IQGAP3: variants seen among roughly 807,000 people sequenced by gnomAD.
The protein encoded by IQGAP3 is ras GTPase-activating-like protein IQGAP3.
IQGAP3 carries 165 observed loss-of-function variants against 208.2 expected under a neutral mutation model. That is an observed-to-expected ratio of 0.79 (90% CI 0.70 to 0.90). The LOEUF (loss-of-function observed/expected upper bound fraction) is 0.90. Among genes scored for constraint, IQGAP3 ranks in the 40% least tolerant of loss-of-function variants. IQGAP3 has a pLI of 0.00. For missense variants in IQGAP3, 1,811 were observed against 2,043.1 expected, an observed-to-expected ratio of 0.89 and a Z score of 2.19; for synonymous variants, 703 against 803.6, an observed-to-expected ratio of 0.87 and a Z score of 2.12.
chr1:156,561,828 A>C lies in IQGAP3; in HGVS notation c.1041+10T>G, dbSNP rs778822069. 1 of 1,613,708 alleles carries C rather than the reference A, an allele frequency of 6.2e-7. No individual in the cohort carries two copies. Among genetic ancestry groups the C allele is most frequent in the Non-Finnish European group, 8.5e-7 (1 of 1,179,764 alleles). On this transcript the variant is annotated intron_variant, in intron 10 of 37. Coordinates refer to ENST00000361170, the MANE Select transcript of IQGAP3 (RefSeq NM_178229.5). ...ATACAGGGGGTGGCAGGTAATAGAC[A>C]GAGGCTAACCTGTGCCTTCTGCTCT...
intron 12 of IQGAP3, 90 bp downstream of exon 12, chr1:156,556,443 G>T: frequency 7.9e-7 from 1 of 1,270,038 alleles, no homozygotes; most frequent in Non-Finnish European, 1.1e-6. Context: ...ATCTCATATC[G>T]CACTCACAAG....
intron 13 of IQGAP3, 90 bp from the exon 14 acceptor site, chr1:156,552,185 G>T: frequency 6.9e-7 from 1 of 1,454,170 alleles, no homozygotes; most frequent in South Asian, 1.3e-5. Flanking sequence ...TTCTTCACTT[G>T]ACCTCCAGGA....
chr1:156,539,956 C>T lies in IQGAP3; in HGVS notation c.2774G>A (p.Arg925Lys). Residue 925 changes from arginine to lysine, a missense_variant, in exon 24 of 38, where the codon AGG becomes AAG. Transcript: ENST00000361170. The stretch of plus-strand genomic sequence containing the variant: ...CATATCTGACAGCTGTTCCTTATTC[C>T]TCTTGGTCAGCTTCTTGCAGTGGGA... Reference protein sequence around the residue: ...VVSHCKKLTKRNKEQLSDMMV... With the variant: ...VVSHCKKLTKKNKEQLSDMMV... The T allele has an allele frequency of 1.2e-6, 2 of 1,614,104 alleles. No individual in the cohort carries two copies. Among genetic ancestry groups the T allele is most frequent in the Non-Finnish European group, 1.7e-6 (2 of 1,180,026 alleles).
chr1:156,529,900 G>A lies in IQGAP3; in HGVS notation c.4404+205C>T, dbSNP rs149449428. ...CACACCACTGCTCTCCAGCCTGGAT[G>A]AGAGTGAGACTGTCTCAAAAAAAAA... On this transcript the variant is annotated intron_variant, in intron 34 of 37. Transcript: ENST00000361170. Among the ~76,000 whole-genome samples the A allele has an allele frequency of 9.1e-3, 1,140 of 125,336 alleles. 4 individuals carry two copies. The highest frequency in any genetic ancestry group is 0.031 in the Middle Eastern group (6 of 192). 82.2% of individuals were successfully genotyped at this position (125,336 alleles called of 152,430 possible).
At chr1:156,556,435 C>G (rs904201676) in intron 12 of IQGAP3, 98 bp downstream of exon 12, 81 of 1,159,336 alleles carry the variant, frequency 7.0e-5, no homozygotes, top group Non-Finnish European at 8.4e-5. Flanking sequence ...GTGCCAGCAT[C>G]TCATATCGCA....
intron 1 of IQGAP3, among the ~76,000 whole-genome samples, chr1:156,571,206 C>T (rs539012682): frequency 1.4e-4 from 21 of 152,298 alleles, no homozygotes; most frequent in African/African-American, 4.8e-4. Flanking sequence ...ATCCTTCTCC[C>T]TTCTCTCCCC....
intron 26 of IQGAP3, 64 bp from the exon 27 acceptor site, chr1:156,537,385 C>A (rs2102374369): frequency 6.7e-7 from 1 of 1,490,828 alleles, no homozygotes; most frequent in Non-Finnish European, 9.1e-7. Context: ...TCCCCAAGGC[C>A]CTATTCCTTA....
rs895109603 is a variant in IQGAP3, at chr1:156,525,635, C to T, written c.*851G>A. ...CAAGATCTTAAACATGAGTGAGAAT[C>T]TGTTGCCCCAACCTAAGGTGACTTT... On this transcript the variant is annotated 3_prime_UTR_variant, in exon 38 of 38. Transcript: ENST00000361170. 2 of 144,138 alleles carry T rather than the reference C, an allele frequency of 1.4e-5. No individual in the cohort carries two copies. Among genetic ancestry groups the T allele is most frequent in the African/African-American group, 5.0e-5 (2 of 39,644 alleles). The allele number at this position is 144,138 out of a possible 1,614,324, so 8.9% of individuals were successfully genotyped here.
In IQGAP3 at chr1:156,535,236, C is replaced by T. The variant is rs756230667; in HGVS notation, c.3434G>A (p.Arg1145Gln). Residue 1145 changes from arginine (R) to glutamine (Q), a missense_variant, in exon 28 of 38, where the codon CGA becomes CAA. Arg to Gln is a conservative substitution (Grantham distance 43, BLOSUM62 1). Transcript: ENST00000361170. Reference protein sequence around the residue: ...SSVDQIPYGMRYVAKVLKATL... With the variant: ...SSVDQIPYGMQYVAKVLKATL... Reference sequence around the variant, plus strand: ...TGCCTTCAGGACTTTGGCCACATATCGCATCCCATACCTGGGGACAAAGAA... The same window carrying T: ...TGCCTTCAGGACTTTGGCCACATATTGCATCCCATACCTGGGGACAAAGAA... The T allele has an allele frequency of 1.1e-5, 18 of 1,612,006 alleles. No homozygotes were observed. The highest frequency in any genetic ancestry group is 3.3e-5 in the South Asian group (3 of 90,948).
Position 156,556,451 on chromosome 1 carries a change from A to T in IQGAP3, c.1290+82T>A. The T allele has an allele frequency of 3.6e-6, 5 of 1,404,138 alleles. No homozygotes were observed. The South Asian group carries it at 6.0e-5, about 17-fold the overall frequency. 87.0% of individuals were successfully genotyped at this position (1,404,138 alleles called of 1,614,324 possible). A position where few individuals can be genotyped will look rare whatever the true frequency, so the allele number is the denominator to read the frequency against. Reference sequence around the variant, plus strand: ...TGCCAGCATCTCATATCGCACTCACAAGAGGGTGGCCTGGGCTGCCTGTCC... The same window carrying T: ...TGCCAGCATCTCATATCGCACTCACTAGAGGGTGGCCTGGGCTGCCTGTCC... On this transcript the variant is annotated intron_variant, in intron 12 of 37. Transcript: ENST00000361170.
intron 16 of IQGAP3, among the ~76,000 whole-genome samples, chr1:156,549,316 C>T (rs1447782866): frequency 6.6e-6 from 1 of 151,768 alleles, no homozygotes; most frequent in Non-Finnish European, 1.5e-5. Flanking sequence ...ACTAATAATA[C>T]AAAAATTAGC....
rs1674055829 is a variant in IQGAP3 at position 156,526,328 on chromosome 1, A to G, written c.*158T>C. On this transcript the variant is annotated 3_prime_UTR_variant, in exon 38 of 38. Coordinates refer to ENST00000361170, the MANE Select transcript of IQGAP3 (RefSeq NM_178229.5). ...ATTAGAAGATACACTGTCTGTGGCC[A>G]GGCAGGCAAGCTCCTCCCAGCTGGG... 1.6e-6 allele frequency: 1 copy of G among 620,498 alleles called. No individual in the cohort carries two copies. Among genetic ancestry groups the G allele is most frequent in the Non-Finnish European group, 2.9e-6 (1 of 345,576 alleles). 38.4% of individuals were successfully genotyped at this position (620,498 alleles called of 1,614,324 possible).
chr1:156,528,709 G>C, intron 35 of IQGAP3, 99 bp from the exon 36 acceptor site: 2 of 1,112,402 alleles, frequency 1.8e-6, no homozygotes, highest in Non-Finnish European at 2.6e-6. Context: ...CCCCGAGGAA[G>C]ACTTCTCACT....
chr1:156,544,600 A>G, intron 19 of IQGAP3, 128 bp from the exon 20 acceptor site: 1 of 751,406 alleles, frequency 1.3e-6, no homozygotes, highest in Non-Finnish European at 2.3e-6. Flanking sequence ...GGGGAAGGGG[A>G]AAGTGGCCCT....
At position 156,561,761 on chromosome 1, in the gene IQGAP3, G is replaced by A. The variant is rs544207191; in HGVS notation, c.1041+77C>T. 4.3e-6 allele frequency: 6 copies of A among 1,400,282 alleles called. No individual in the cohort carries two copies. The Admixed American group carries it at 9.2e-5, about 21-fold the overall frequency. The allele number at this position is 1,400,282 out of a possible 1,614,324, so 86.7% of individuals were successfully genotyped here. ...TTACAGAATACAAAGGACCAACAGT[G>A]GTGATCTTTGAGTAAGAGGCCCTCT... On this transcript the variant is annotated intron_variant, in intron 10 of 37. Coordinates refer to ENST00000361170, the MANE Select transcript of IQGAP3 (RefSeq NM_178229.5).
rs1334338215 is a variant in IQGAP3 at position 156,548,237 on chromosome 1, C to T, written c.2140G>A (p.Val714Ile). 1 of 1,613,460 alleles carries T rather than the reference C, an allele frequency of 6.2e-7. No homozygotes were observed. The highest frequency in any genetic ancestry group is 8.5e-7 in the Non-Finnish European group (1 of 1,179,502). The change falls in exon 19 of 38, where the codon GTC becomes ATC. Residue 714 changes from valine to isoleucine, a missense_variant. Physicochemically the swap from Val to Ile is conservative, Grantham distance 29. Coordinates refer to ENST00000361170, the MANE Select transcript of IQGAP3 (RefSeq NM_178229.5). ...TCATAGGCAGCAGTGACCTTGGTGA[C>T]AGCTGACTGTGGAGGCAGGAGAGAG... ...HLTREEIQSA[V>I]TKVTAAYDRQ...
intron 1 of IQGAP3, among the ~76,000 whole-genome samples, chr1:156,570,296 T>C (rs1303093152): frequency 6.6e-6 from 1 of 152,212 alleles, no homozygotes; most frequent in Non-Finnish European, 1.5e-5. Context: ...ATCCCAGTAC[T>C]TCTGGATGCT....
At chr1:156,543,539 C>T (rs530208241) in intron 22 of IQGAP3, among the ~76,000 whole-genome samples, 9 of 152,096 alleles carry the variant, frequency 5.9e-5, no homozygotes, top group African/African-American at 2.2e-4. Flanking sequence ...AAATGAGCAC[C>T]CAACTAATGG....
intron 2 of IQGAP3, among the ~76,000 whole-genome samples, chr1:156,568,595 C>A (rs981828613): frequency 7.9e-5 from 12 of 152,214 alleles, no homozygotes; most frequent in African/African-American, 2.9e-4. Context: ...TCTTGGCTCA[C>A]TGTGGCCTCC....
Sources: allele counts gnomAD v4.1 joint callset (sites outside exome capture counted in the v4.1 genomes callset), GRCh38; gene constraint gnomAD v4.1.1; transcripts MANE v1.5; gene names NCBI Gene and HGNC (gene_info 2026-07-23, HGNC 2026-07-21).